The following OR51L1 variants were observed in gnomAD, a reference collection of about 807,000 sequenced individuals.
OR51L1 encodes the protein olfactory receptor family 51 subfamily L member 1.
Under a neutral mutation model 1.4 loss-of-function variants are expected in OR51L1, and 1 was observed. The observed-to-expected ratio is 0.72, with a 90% confidence interval of 0.26 to 3.42. OR51L1 has a LOEUF of 3.42. Ranked by LOEUF, OR51L1 falls within the 30% of genes most tolerant of loss-of-function variation. OR51L1 has a pLI of 0.20. For missense variants in OR51L1, 378 were observed against 380.0 expected (o/e 0.99, Z 0.04); for synonymous variants, 156 against 144.2 (o/e 1.08, Z -0.59).
In OR51L1 at chr11:5,003,003, G is replaced by A. The variant is rs545886036; in HGVS notation, c.*3073G>A. On this transcript the variant is annotated 3_prime_UTR_variant, in exon 3 of 3. Transcript: ENST00000641819. ...AAGTTACCAGTGGCAAATCCATACGGGTCTGCAGCAACCTCAATTTTTGCC... is the reference window on the plus strand; with the variant it reads ...AAGTTACCAGTGGCAAATCCATACGAGTCTGCAGCAACCTCAATTTTTGCC... The A allele has an allele frequency of 6.6e-5, 10 of 152,222 alleles. No homozygotes were observed. Among genetic ancestry groups the A allele is most frequent in the African/African-American group, 2.2e-4 (9 of 41,532 alleles). The allele number at this position is 152,222 out of a possible 1,614,324, so 9.4% of individuals were successfully genotyped here. A position where few individuals can be genotyped will look rare whatever the true frequency, so the allele number is the denominator to read the frequency against.
At chr11:4,997,987 C>G (rs10837104) in intron 2 of OR51L1, among the ~76,000 whole-genome samples, 44,401 of 151,654 alleles carry the variant, frequency 0.29, 6,710 homozygotes, top group African/African-American at 0.34. Context: ...CGTTTGGAAA[C>G]AGAAATCAAT....
intron 2 of OR51L1, among the ~76,000 whole-genome samples, chr11:4,997,987 CAG>C (rs1284842227): frequency 2.6e-5 from 4 of 151,602 alleles, no homozygotes; most frequent in Admixed American, 6.6e-5. Flanking sequence ...CGTTTGGAAA[CAG>C]AAATCAATCA....
rs1268774829 is a variant in OR51L1, at chr11:5,003,298, TG to T, written c.*3369del. 6 of 152,018 alleles carry T rather than the reference TG, an allele frequency of 3.9e-5. No individual in the cohort carries two copies. Among genetic ancestry groups the T allele is most frequent in the Non-Finnish European group, 7.4e-5 (5 of 68,010 alleles). 9.4% of individuals were successfully genotyped at this position (152,018 alleles called of 1,614,324 possible). On this transcript the variant is annotated 3_prime_UTR_variant, in exon 3 of 3. Transcript: ENST00000641819. Reference sequence around the variant, plus strand: ...CCTCCTTACCCTTAGGAAGTGAGCATGCACAGTGTGTTTAGGAAGTTGTACA... The same window carrying T: ...CCTCCTTACCCTTAGGAAGTGAGCATCACAGTGTGTTTAGGAAGTTGTACA...
rs1296107551 is a variant in OR51L1 at position 4,995,011 on chromosome 11, A to G, written c.-586A>G. On this transcript the variant is annotated 5_prime_UTR_variant, in exon 1 of 3. Transcript: ENST00000641819. ...CCACAGACACACAAAGAGAAATTAG[A>G]AGAAAGAAACAGCCAATCAAAGGGA... 6.6e-6 allele frequency: 1 copy of G among 152,166 alleles called. No individual in the cohort carries two copies. Among genetic ancestry groups the G allele is most frequent in the Admixed American group, 6.6e-5 (1 of 15,258 alleles). The allele number at this position is 152,166 out of a possible 1,614,324, so 9.4% of individuals were successfully genotyped here.
In OR51L1 at chr11:4,999,990, A is replaced by G. The variant is rs1295550186; in HGVS notation, c.*60A>G. ...CTCATGGAAGCTGTTTTAGTATATG[A>G]AAAGTAAAATATCTGGGTGTTGCTC... is the stretch of plus-strand genomic sequence containing the variant. On this transcript the variant is annotated 3_prime_UTR_variant, in exon 3 of 3. Transcript: ENST00000641819. 3.0e-5 allele frequency: 45 copies of G among 1,492,032 alleles called. No individual in the cohort carries two copies. Among genetic ancestry groups the G allele is most frequent in the Non-Finnish European group, 3.8e-5 (43 of 1,119,434 alleles). 92.4% of individuals were successfully genotyped at this position (1,492,032 alleles called of 1,614,324 possible).
chr11:4,998,323 A>G (rs1376755490), intron 2 of OR51L1, among the ~76,000 whole-genome samples: 1 of 152,000 alleles, frequency 6.6e-6, no homozygotes, highest in Non-Finnish European at 1.5e-5. Context: ...AAACAGCTCA[A>G]AACTGTGTTG....
chr11:4,996,769 C>CTTTCTTTCTTTCTTTCTTTG, intron 1 of OR51L1, among the ~76,000 whole-genome samples: 2 of 84,740 alleles, frequency 2.4e-5, no homozygotes, highest in South Asian at 3.3e-4. Context: ...TTCTTTCTTT[C>CTTTCTTTCTTTCTTTCTTTG]ATTTCTCTCT....
At position 5,003,786 on chromosome 11, in the gene OR51L1, T is replaced by C. The variant is rs975560884; in HGVS notation, c.*3856T>C. 2 of 152,168 alleles carry C rather than the reference T, an allele frequency of 1.3e-5. No individual in the cohort carries two copies. Among genetic ancestry groups the C allele is most frequent in the African/African-American group, 4.8e-5 (2 of 41,444 alleles). 9.4% of individuals were successfully genotyped at this position (152,168 alleles called of 1,614,324 possible). The stretch of plus-strand genomic sequence containing the variant: ...AACTAAAAATAACCTATAATTCAAG[T>C]TGACATTGTGAGATGTATGTATACA... On this transcript the variant is annotated 3_prime_UTR_variant, in exon 3 of 3. Coordinates refer to ENST00000641819, the MANE Select transcript of OR51L1 (RefSeq NM_001004755.2).
chr11:4,999,631 C>A lies in OR51L1; in HGVS notation c.649C>A (p.Leu217Ile). ...ATLGVDSIFI[L>I]LSYVLILNTV... ...ACTAGGTGTGGATTCAATCTTCATA[C>A]TTCTTTCTTATGTTCTGATTCTTAA... Residue 217 changes from leucine (L) to isoleucine (I), a missense_variant, in exon 3 of 3, where the codon CTT becomes ATT. Leu to Ile is a conservative substitution (Grantham distance 5, BLOSUM62 2). Coordinates refer to ENST00000641819, the MANE Select transcript of OR51L1 (RefSeq NM_001004755.2). The A allele has an allele frequency of 2.5e-6, 4 of 1,613,922 alleles. No homozygotes were observed. Among genetic ancestry groups the A allele is most frequent in the Non-Finnish European group, 3.4e-6 (4 of 1,179,886 alleles).
rs115805265 is a variant in OR51L1 at position 5,000,225 on chromosome 11, C to A, written c.*295C>A. The A allele has an allele frequency of 1.6e-5, 4 of 248,518 alleles. No homozygotes were observed. Among genetic ancestry groups the A allele is most frequent in the Admixed American group, 4.9e-5 (1 of 20,252 alleles). 15.4% of individuals were successfully genotyped at this position (248,518 alleles called of 1,614,324 possible). ...AAAATTATTAATGTTATTAAGTTGT[C>A]ATTGTTGTTAATGATAACAGTATTT... On this transcript the variant is annotated 3_prime_UTR_variant, in exon 3 of 3. Coordinates refer to ENST00000641819, the MANE Select transcript of OR51L1 (RefSeq NM_001004755.2).
At position 5,002,804 on chromosome 11, in the gene OR51L1, A is replaced by G. The variant is rs1234740979; in HGVS notation, c.*2874A>G. The stretch of plus-strand genomic sequence containing the variant: ...CTTTCATTCCTTTTCATTTAAGATG[A>G]TTATCCCAGGGATTCTCTTATTAAA... On this transcript the variant is annotated 3_prime_UTR_variant, in exon 3 of 3. Coordinates refer to ENST00000641819, the MANE Select transcript of OR51L1 (RefSeq NM_001004755.2). The G allele has an allele frequency of 6.6e-6, 1 of 152,162 alleles. No homozygotes were observed. The highest frequency in any genetic ancestry group is 1.5e-5 in the Non-Finnish European group (1 of 68,038). The allele number at this position is 152,162 out of a possible 1,614,324, so 9.4% of individuals were successfully genotyped here. A position where few individuals can be genotyped will look rare whatever the true frequency, so the allele number is the denominator to read the frequency against.
intron 1 of OR51L1, 25 bp from the exon 2 acceptor site, chr11:4,997,457 A>G (rs1847083142): frequency 6.6e-6 from 1 of 152,184 alleles, no homozygotes; most frequent in African/African-American, 2.4e-5. Context: ...GGATGAGGCT[A>G]AGTCTTATCT....
At position 5,001,770 on chromosome 11, in the gene OR51L1, A is replaced by T. The variant is rs149508945; in HGVS notation, c.*1840A>T. On this transcript the variant is annotated 3_prime_UTR_variant, in exon 3 of 3. Transcript: ENST00000641819. ...GCCATGTCTATTACCTTATCACAGC[A>T]CTATACAGCTGGTCTTCCCCAACAA... 1.1e-3 allele frequency: 174 copies of T among 152,320 alleles called. 1 individual carries two copies. The highest frequency in any genetic ancestry group is 3.4e-3 in the Middle Eastern group (1 of 294). 9.4% of individuals were successfully genotyped at this position (152,320 alleles called of 1,614,324 possible).
intron 1 of OR51L1, among the ~76,000 whole-genome samples, chr11:4,995,614 GT>G (rs904428736): frequency 6.6e-6 from 1 of 152,054 alleles, no homozygotes; most frequent in African/African-American, 2.4e-5. Context: ...CTTATGTTCA[GT>G]AGTTCTCCCT....
Position 4,999,616 on chromosome 11 carries a change from G to A in OR51L1, c.634G>A (p.Asp212Asn), listed in dbSNP as rs199789707. 2.1e-4 allele frequency: 342 copies of A among 1,613,884 alleles called. No individual in the cohort carries two copies. The highest frequency in any genetic ancestry group is 2.8e-4 in the Non-Finnish European group (329 of 1,179,860). ...LCVVIATLGV[D>N]SIFILLSYVL... ...TGTAGTCATTGCCACACTAGGTGTG[G>A]ATTCAATCTTCATACTTCTTTCTTA... Residue 212 changes from aspartate (D) to asparagine (N), a missense_variant, in exon 3 of 3, where the codon GAT (aspartate) becomes AAT (asparagine). By Grantham distance (23) the Asp-to-Asn change is conservative. Coordinates refer to ENST00000641819, the MANE Select transcript of OR51L1 (RefSeq NM_001004755.2).
Position 4,998,974 on chromosome 11 carries a change from A to G in OR51L1, c.-9A>G. Reference sequence around the variant, plus strand: ...TTCCTCACTACTTGCTGAATTACTCAAAGTCACTATGGGAGACTGGAATAA... The same window carrying G: ...TTCCTCACTACTTGCTGAATTACTCGAAGTCACTATGGGAGACTGGAATAA... On this transcript the variant is annotated 5_prime_UTR_variant, in exon 3 of 3. Transcript: ENST00000641819. 1.2e-6 allele frequency: 2 copies of G among 1,606,892 alleles called. No homozygotes were observed. The highest frequency in any genetic ancestry group is 2.2e-5 in the East Asian group (1 of 44,772).
intron 1 of OR51L1, among the ~76,000 whole-genome samples, chr11:4,995,627 A>T (rs186709862): frequency 5.0e-4 from 76 of 152,196 alleles, no homozygotes; most frequent in Admixed American, 8.5e-4. Context: ...GTTCTCCCTT[A>T]ATTACCTGGA....
At position 5,002,344 on chromosome 11, in the gene OR51L1, G is replaced by A. The variant is rs536658881; in HGVS notation, c.*2414G>A. 3 of 152,286 alleles carry A rather than the reference G, an allele frequency of 2.0e-5. No individual in the cohort carries two copies. The East Asian group carries it at 5.8e-4, about 29-fold the overall frequency. The allele number at this position is 152,286 out of a possible 1,614,324, so 9.4% of individuals were successfully genotyped here. On this transcript the variant is annotated 3_prime_UTR_variant, in exon 3 of 3. Transcript: ENST00000641819. ...TTCTAGAAAGAGGAGGTAACATGAA[G>A]AAAGCAAAGAGGTTAGAAAGAGTAT... is the stretch of plus-strand genomic sequence containing the variant.
At position 5,004,718 on chromosome 11, in the gene OR51L1, G is replaced by A. The variant is rs1847161299; in HGVS notation, c.*4788G>A. On this transcript the variant is annotated 3_prime_UTR_variant, in exon 3 of 3. Coordinates refer to ENST00000641819, the MANE Select transcript of OR51L1 (RefSeq NM_001004755.2). Reference sequence around the variant, plus strand: ...CCATTGTTGCAGAGTAAGCAATGAAGTCTATATTTGAAACTGGGACAATAA... The same window carrying A: ...CCATTGTTGCAGAGTAAGCAATGAAATCTATATTTGAAACTGGGACAATAA... 1 of 152,156 alleles carries A rather than the reference G, an allele frequency of 6.6e-6. No homozygotes were observed. The highest frequency in any genetic ancestry group is 2.1e-4 in the South Asian group (1 of 4,830). The allele number at this position is 152,156 out of a possible 1,614,324, so 9.4% of individuals were successfully genotyped here.
Sources: gnomAD v4.1 joint callset for allele counts (sites outside exome capture counted in the v4.1 genomes callset) on GRCh38, gnomAD v4.1.1 for gene constraint, MANE v1.5 for transcripts, NCBI Gene and HGNC (gene_info 2026-07-23, HGNC 2026-07-21) for gene names.